Variants in LRRTM4 observed in about 807,000 individuals in gnomAD.
The protein encoded by LRRTM4 is leucine rich repeat transmembrane neuronal 4.
LRRTM4 carries 25 observed loss-of-function variants against 47.6 expected under a neutral mutation model. That is an observed-to-expected ratio of 0.53 (90% CI 0.38 to 0.73). LRRTM4 has a LOEUF of 0.73. Ranked by LOEUF, LRRTM4 falls within the 30% of genes least tolerant of loss-of-function variation. The pLI is 0.00. For missense variants in LRRTM4, 638 were observed against 713.4 expected (o/e 0.89, Z 1.20); for synonymous variants, 311 against 269.5 (o/e 1.15, Z -1.51).
chr2:77,139,285 T>C (rs1435592905), intron 3 of LRRTM4, among the ~76,000 whole-genome samples: 1 of 152,142 alleles, frequency 6.6e-6, no homozygotes, highest in African/African-American at 2.4e-5. Context: ...CATGATATAG[T>C]GGGCCTCATC....
chr2:77,283,432 C>T (rs546225656), intron 3 of LRRTM4, among the ~76,000 whole-genome samples: 1 of 152,048 alleles, frequency 6.6e-6, no homozygotes, highest in East Asian at 1.9e-4. Context: ...TCTCAAAGAA[C>T]TTAAGACTAC....
intron 3 of LRRTM4, among the ~76,000 whole-genome samples, chr2:77,140,647 C>T (rs1211014893): frequency 6.6e-6 from 1 of 152,130 alleles, no homozygotes; most frequent in African/African-American, 2.4e-5. Context: ...AACTAAAGAG[C>T]TTCTGCACAG....
At chr2:77,015,850 G>A (rs1354110708) in intron 3 of LRRTM4, among the ~76,000 whole-genome samples, 1 of 151,904 alleles carries the variant, frequency 6.6e-6, no homozygotes, top group Non-Finnish European at 1.5e-5. Flanking sequence ...AGGTGCAGTG[G>A]CTCACACCTA....
At chr2:77,118,223 G>C (rs900686060) in intron 3 of LRRTM4, among the ~76,000 whole-genome samples, 1 of 151,320 alleles carries the variant, frequency 6.6e-6, no homozygotes, top group African/African-American at 2.4e-5. Context: ...ATGCCACGTT[G>C]TTTGGGAAAA....
chr2:77,254,494 G>GA (rs1478287937), intron 3 of LRRTM4, among the ~76,000 whole-genome samples: 31 of 151,804 alleles, frequency 2.0e-4, no homozygotes, highest in Middle Eastern at 3.4e-3. Flanking sequence ...TAAGAAGGAA[G>GA]GATGAAAAAT....
chr2:77,065,347 C>T (rs192678245), intron 3 of LRRTM4, among the ~76,000 whole-genome samples: 82 of 152,216 alleles, frequency 5.4e-4, no homozygotes, highest in African/African-American at 1.9e-3. Context: ...CCTCAGAGAA[C>T]TCACATTATA....
At chr2:76,915,842 T>A (rs544026987) in intron 3 of LRRTM4, among the ~76,000 whole-genome samples, 1 of 152,302 alleles carries the variant, frequency 6.6e-6, no homozygotes, top group Non-Finnish European at 1.5e-5. Context: ...TCCTTATCAA[T>A]ATTCAATATC....
At chr2:76,807,046 C>T (rs981077127) in intron 3 of LRRTM4, among the ~76,000 whole-genome samples, 10 of 151,950 alleles carry the variant, frequency 6.6e-5, no homozygotes, top group South Asian at 6.2e-4. Flanking sequence ...GCACTGTAGG[C>T]GAAGTGTGAT....
intron 3 of LRRTM4, among the ~76,000 whole-genome samples, chr2:77,124,137 A>G (rs1246285171): frequency 3.9e-5 from 6 of 152,056 alleles, no homozygotes; most frequent in African/African-American, 1.2e-4. Context: ...TTAGAAAAGG[A>G]AAAAAATTTA....
chr2:76,901,680 T>C (rs1673639292), intron 3 of LRRTM4, among the ~76,000 whole-genome samples: 1 of 152,198 alleles, frequency 6.6e-6, no homozygotes, highest in Non-Finnish European at 1.5e-5. Context: ...TCTGTAGATA[T>C]GTGTCGGAGA....
At chr2:76,815,501 G>A in intron 3 of LRRTM4, among the ~76,000 whole-genome samples, 1 of 151,806 alleles carries the variant, frequency 6.6e-6, no homozygotes, top group Non-Finnish European at 1.5e-5. Flanking sequence ...CAACTGGAAT[G>A]ACTGGATACC....
intron 3 of LRRTM4, among the ~76,000 whole-genome samples, chr2:76,945,001 A>G (rs17013386): frequency 0.053 from 8,058 of 152,140 alleles, 490 homozygotes; most frequent in East Asian, 0.14. Context: ...TTTGAAGAAT[A>G]TGGAAATTAT....
chr2:77,228,419 G>A (rs1001440569), intron 3 of LRRTM4, among the ~76,000 whole-genome samples: 5 of 152,062 alleles, frequency 3.3e-5, no homozygotes, highest in Admixed American at 6.6e-5. Context: ...TGGGTTTGGC[G>A]AAGTCCCATG....
At chr2:76,766,782 G>A (rs1218218706) in intron 3 of LRRTM4, among the ~76,000 whole-genome samples, 3 of 152,172 alleles carry the variant, frequency 2.0e-5, no homozygotes, top group African/African-American at 4.8e-5. Flanking sequence ...TTTTGGTTGT[G>A]GAGATTGAGG....
At chr2:76,865,518 T>A (rs532733770) in intron 3 of LRRTM4, among the ~76,000 whole-genome samples, 1 of 152,334 alleles carries the variant, frequency 6.6e-6, no homozygotes, top group Non-Finnish European at 1.5e-5. Context: ...TCAGAGAAAG[T>A]ATTAGACTTT....
chr2:77,175,627 C>T (rs941531578), intron 3 of LRRTM4, among the ~76,000 whole-genome samples: 6 of 152,136 alleles, frequency 3.9e-5, no homozygotes, highest in African/African-American at 1.2e-4. Flanking sequence ...ACCTTCTCAC[C>T]ACCTGTTTCT....
At chr2:76,790,020 T>A (rs536351400) in intron 3 of LRRTM4, among the ~76,000 whole-genome samples, 7 of 152,172 alleles carry the variant, frequency 4.6e-5, no homozygotes, top group Admixed American at 1.3e-4. Flanking sequence ...ACTGTGGGAA[T>A]TGGATAAATG....
At chr2:77,187,769 A>G (rs979049010) in intron 3 of LRRTM4, among the ~76,000 whole-genome samples, 18 of 152,078 alleles carry the variant, frequency 1.2e-4, no homozygotes, top group African/African-American at 4.3e-4. Flanking sequence ...AACTGGGTAT[A>G]AACAAAAATA....
intron 3 of LRRTM4, among the ~76,000 whole-genome samples, chr2:77,034,333 C>G (rs1678764304): frequency 1.3e-5 from 2 of 151,950 alleles, no homozygotes; most frequent in Admixed American, 1.3e-4. Context: ...TCAATCACAA[C>G]TTCTTCCTTC....
Sources: allele counts gnomAD v4.1 joint callset (sites outside exome capture counted in the v4.1 genomes callset), GRCh38; gene constraint gnomAD v4.1.1; transcripts MANE v1.5; gene names NCBI Gene and HGNC (gene_info 2026-07-23, HGNC 2026-07-21).